Variants in HOXA9 observed in about 807,000 individuals in gnomAD.
The protein encoded by HOXA9 is homeobox protein Hox-A9.
HOXA9 carries 18 observed loss-of-function variants against 19.0 expected under a neutral mutation model. The ratio of observed to expected loss-of-function variants is 0.95; its 90% CI spans 0.65 to 1.40. The LOEUF (loss-of-function observed/expected upper bound fraction) is 1.40. Ranked by LOEUF, HOXA9 falls within the 40% of genes most tolerant of loss-of-function variation. The pLI is 0.00. For missense variants in HOXA9, 443 were observed against 372.2 expected (o/e 1.19, Z -1.57); for synonymous variants, 198 against 161.1 (o/e 1.23, Z -1.73).
Position 27,163,037 on chromosome 7 carries a change from T to G in HOXA9, c.*566A>C, listed in dbSNP as rs775598584. The G allele has an allele frequency of 1.9e-5, 4 of 207,264 alleles. No homozygotes were observed. Among genetic ancestry groups the G allele is most frequent in the Non-Finnish European group, 3.9e-5 (4 of 101,668 alleles). The allele number at this position is 207,264 out of a possible 1,614,324, so 12.8% of individuals were successfully genotyped here. A position where few individuals can be genotyped will look rare whatever the true frequency, so the allele number is the denominator to read the frequency against. On this transcript the variant is annotated 3_prime_UTR_variant, in exon 2 of 2. Transcript: ENST00000343483. ...ACTCTATGCAACTGTTTTTTTCCCC[T>G]CATAAACAACCTGAGTTCAAATTGA...
In HOXA9 at chr7:27,163,475, G is replaced by C. The variant is rs752234662; in HGVS notation, c.*128C>G. 18 of 795,878 alleles carry C rather than the reference G, an allele frequency of 2.3e-5. No individual in the cohort carries two copies. Among genetic ancestry groups the C allele is most frequent in the East Asian group, 1.5e-4 (6 of 40,972 alleles). 49.3% of individuals were successfully genotyped at this position (795,878 alleles called of 1,614,324 possible). A position where few individuals can be genotyped will look rare whatever the true frequency, so the allele number is the denominator to read the frequency against. ...TGGAAAAGATGTGGCCTGAGGTTTA[G>C]AGCCGCTTTGTGCGGGGATGGTGGA... On this transcript the variant is annotated 3_prime_UTR_variant, in exon 2 of 2. Transcript: ENST00000343483.
In HOXA9 at chr7:27,162,742, C is replaced by T. The variant is rs1429924602; in HGVS notation, c.*861G>A. ...TATAGCTCCGAATTTCCTCACTGTTCGTCTGGTGCAAAAACAATATTCAAG... is the reference window on the plus strand; with the variant it reads ...TATAGCTCCGAATTTCCTCACTGTTTGTCTGGTGCAAAAACAATATTCAAG... On this transcript the variant is annotated 3_prime_UTR_variant, in exon 2 of 2. Transcript: ENST00000343483. 3 of 208,052 alleles carry T rather than the reference C, an allele frequency of 1.4e-5. No homozygotes were observed. Among genetic ancestry groups the T allele is most frequent in the Non-Finnish European group, 2.9e-5 (3 of 102,004 alleles). The allele number at this position is 208,052 out of a possible 1,614,324, so 12.9% of individuals were successfully genotyped here. A position where few individuals can be genotyped will look rare whatever the true frequency, so the allele number is the denominator to read the frequency against.
At position 27,163,630 on chromosome 7, in the gene HOXA9, G is replaced by A. The variant is rs377402962; in HGVS notation, c.792C>T (p.Ile264=). The change falls in exon 2 of 2, where the codon ATC becomes ATT. Residue 264 remains isoleucine, a synonymous_variant. Transcript: ENST00000343483. ...ACTCGTCTTTTGCTCGGTCTTTGTT[G>A]ATTTTCTTCATTTTCATCCTGCGGT... The part of the protein sequence containing the change: ...FQNRRMKMKK[I]NKDRAKDE The A allele has an allele frequency of 5.6e-6, 9 of 1,612,892 alleles. No individual in the cohort carries two copies. The African/African-American group carries it at 8.0e-5, about 14-fold the overall frequency.
At position 27,165,051 on chromosome 7, in the gene HOXA9, G is replaced by A. The variant is rs781712176; in HGVS notation, c.407C>T (p.Pro136Leu). The change falls in exon 1 of 2, where the codon CCG becomes CTG. Residue 136 changes from proline to leucine, a missense_variant. Pro to Leu is a moderately conservative substitution (Grantham distance 98). Transcript: ENST00000343483. ...ACAGTCACCCCTTCTGGCCGACAGC[G>A]GTTCAGGTTTAATGCCATAAGGCCG... ...SSRPYGIKPE[P>L]LSARRGDCPT... The A allele has an allele frequency of 3.4e-5, 55 of 1,614,076 alleles. No individual in the cohort carries two copies. In the South Asian group the frequency reaches 5.5e-4, roughly 16 times the overall value.
At position 27,163,803 on chromosome 7, in the gene HOXA9, G is replaced by T; in HGVS notation, c.619C>A (p.Arg207=). 2 of 1,613,894 alleles carry T rather than the reference G, an allele frequency of 1.2e-6. No homozygotes were observed. Among genetic ancestry groups the T allele is most frequent in the Non-Finnish European group, 1.7e-6 (2 of 1,179,960 alleles). Residue 207 remains arginine (R), a synonymous_variant, in exon 2 of 2, where the codon CGG becomes AGG. Transcript: ENST00000343483. ...AANWLHARST[R]KKRCPYTKHQ... ...TTTGTATAGGGGCACCGCTTTTTCC[G>T]AGTGGAGCGCGCATGAAGCCAGTTG... is the stretch of plus-strand genomic sequence containing the variant.
At chr7:27,163,988 C>A in intron 1 of HOXA9, 147 bp from the exon 2 acceptor site, 5 of 685,478 alleles carry the variant, frequency 7.3e-6, no homozygotes, top group South Asian at 1.7e-5. Context: ...CACAATGGAA[C>A]CCTGGCAGAC....
In HOXA9 at chr7:27,165,200, A is replaced by T. The variant is rs542361021; in HGVS notation, c.258T>A (p.His86Gln). ...GGGGGTGCACGTAGGGGTGGTGGTG[A>T]TGGTGGTGGTACACCGCAGCGGGTA... is the stretch of plus-strand genomic sequence containing the variant. ...NAVPAAVYHHHHHHPYVHPQA... is the reference protein window; with the variant it reads ...NAVPAAVYHHQHHHPYVHPQA... Residue 86 changes from histidine to glutamine, a missense_variant, in exon 1 of 2, where the codon CAT becomes CAA. Transcript: ENST00000343483. The T allele has an allele frequency of 6.3e-7, 1 of 1,589,562 alleles. No individual in the cohort carries two copies. The highest frequency in any genetic ancestry group is 1.7e-5 in the Admixed American group (1 of 57,288).
rs752362815 is a variant in HOXA9, at chr7:27,165,116, G to A, written c.342C>T (p.Pro114=). 4.7e-5 allele frequency: 75 copies of A among 1,610,850 alleles called. No individual in the cohort carries two copies. The highest frequency in any genetic ancestry group is 6.2e-5 in the Non-Finnish European group (73 of 1,178,770). Residue 114 remains proline (P), a synonymous_variant, in exon 1 of 2, where the codon CCC becomes CCT. Transcript: ENST00000343483. ...DGRYMRSWLE[P]TPGALSFAGL... is the part of the protein sequence containing the mutation. ...CCGCGAAGGAGAGCGCACCGGGCGT[G>A]GGCTCCAGCCAGGAGCGCATGTACC...
chr7:27,165,470 C>G lies in HOXA9; in HGVS notation c.-13G>C, dbSNP rs774546939. Reference sequence around the variant, plus strand: ...CAGTGGTGGCCATCACCGTGCCCAGCGCCTGGCCCGCCCGGCCCGACCCAC... The same window carrying G: ...CAGTGGTGGCCATCACCGTGCCCAGGGCCTGGCCCGCCCGGCCCGACCCAC... On this transcript the variant is annotated 5_prime_UTR_variant, in exon 1 of 2. Transcript: ENST00000343483. The G allele has an allele frequency of 1.9e-6, 3 of 1,566,598 alleles. No homozygotes were observed. Among genetic ancestry groups the G allele is most frequent in the Non-Finnish European group, 2.6e-6 (3 of 1,162,004 alleles).
At position 27,165,131 on chromosome 7, in the gene HOXA9, G is replaced by A; in HGVS notation, c.327C>T (p.Arg109=). The change falls in exon 1 of 2, where the codon CGC becomes CGT. Residue 109 remains arginine, a synonymous_variant. Coordinates refer to ENST00000343483, the MANE Select transcript of HOXA9 (RefSeq NM_152739.4). The part of the protein sequence containing the change: ...AAAAPDGRYM[R]SWLEPTPGAL... Reference sequence around the variant, plus strand: ...CACCGGGCGTGGGCTCCAGCCAGGAGCGCATGTACCTGCCGTCCGGCGCCG... The same window carrying A: ...CACCGGGCGTGGGCTCCAGCCAGGAACGCATGTACCTGCCGTCCGGCGCCG... The A allele has an allele frequency of 6.2e-7, 1 of 1,606,000 alleles. No homozygotes were observed. Among genetic ancestry groups the A allele is most frequent in the East Asian group, 2.2e-5 (1 of 44,688 alleles).
chr7:27,164,848 G>T, intron 1 of HOXA9, 30 bp downstream of exon 1: 1 of 1,591,978 alleles, frequency 6.3e-7, no homozygotes, highest in South Asian at 1.1e-5. Context: ...CGTGGAGGCG[G>T]CGGCGGATTT....
Position 27,165,186 on chromosome 7 carries a change from T to A in HOXA9, c.272A>T (p.Tyr91Phe). Residue 91 changes from tyrosine (Y) to phenylalanine (F), a missense_variant, in exon 1 of 2, where the codon TAC becomes TTC. Transcript: ENST00000343483. ...AVYHHHHHHP[Y>F]VHPQAPVAAA... is the part of the protein sequence containing the mutation. ...CGCCACGGGCGCCTGGGGGTGCACG[T>A]AGGGGTGGTGGTGATGGTGGTGGTA... 2.5e-6 allele frequency: 4 copies of A among 1,594,410 alleles called. No homozygotes were observed. Among genetic ancestry groups the A allele is most frequent in the Non-Finnish European group, 3.4e-6 (4 of 1,170,816 alleles).
At position 27,164,999 on chromosome 7, in the gene HOXA9, G is replaced by A; in HGVS notation, c.459C>T (p.Ser153=). ...DCPTLDTHTL[S]LTDYACGSPP... is the part of the protein sequence containing the mutation. ...GAGAACCACAAGCATAGTCAGTCAG[G>A]GACAAAGTGTGAGTGTCAAGCGTGG... The change falls in exon 1 of 2, where the codon TCC becomes TCT. Residue 153 remains serine, a synonymous_variant. Coordinates refer to ENST00000343483, the MANE Select transcript of HOXA9 (RefSeq NM_152739.4). 1 of 1,614,218 alleles carries A rather than the reference G, an allele frequency of 6.2e-7. No homozygotes were observed. The highest frequency in any genetic ancestry group is 2.2e-5 in the East Asian group (1 of 44,880).
At chr7:27,164,776 T>A in intron 1 of HOXA9, 102 bp downstream of exon 1, 1 of 1,520,264 alleles carries the variant, frequency 6.6e-7, no homozygotes, top group South Asian at 1.3e-5. Context: ...TCGAGAGGCT[T>A]CCAGCGAGGA....
At position 27,165,416 on chromosome 7, in the gene HOXA9, C is replaced by T. The variant is rs367823279; in HGVS notation, c.42G>A (p.Ser14=). Reference sequence around the variant, plus strand: ...CCGCGGCGTCGGCGCCCAGCAGGAACGAGTCCACGTAGTAGTTGCCCAGGG... The same window carrying T: ...CCGCGGCGTCGGCGCCCAGCAGGAATGAGTCCACGTAGTAGTTGCCCAGGG... The part of the protein sequence containing the change: ...TGALGNYYVD[S]FLLGADAADE... The change falls in exon 1 of 2, where the codon TCG becomes TCA. Residue 14 remains serine (S), a synonymous_variant. Transcript: ENST00000343483. 1.2e-6 allele frequency: 2 copies of T among 1,609,652 alleles called. No individual in the cohort carries two copies. The highest frequency in any genetic ancestry group is 1.3e-5 in the African/African-American group (1 of 74,766).
chr7:27,162,958 A>C lies in HOXA9; in HGVS notation c.*645T>G. On this transcript the variant is annotated 3_prime_UTR_variant, in exon 2 of 2. Transcript: ENST00000343483. ...TGGGAAATTCTTACAGCTACTTTACAATCATAGGTTAACAGCCTAGTTATA... is the reference window on the plus strand; with the variant it reads ...TGGGAAATTCTTACAGCTACTTTACCATCATAGGTTAACAGCCTAGTTATA... 1 of 199,576 alleles carries C rather than the reference A, an allele frequency of 5.0e-6. No homozygotes were observed. Among genetic ancestry groups the C allele is most frequent in the Non-Finnish European group, 1.0e-5 (1 of 96,710 alleles). The allele number at this position is 199,576 out of a possible 1,614,324, so 12.4% of individuals were successfully genotyped here.
At chr7:27,164,187 G>A (rs1208924831) in intron 1 of HOXA9, among the ~76,000 whole-genome samples, 2 of 152,200 alleles carry the variant, frequency 1.3e-5, no homozygotes, top group Non-Finnish European at 2.9e-5. Context: ...GCTGCCTTGT[G>A]TTCTGTAGCA....
chr7:27,164,840 T>C (rs757152358), intron 1 of HOXA9, 38 bp downstream of exon 1: 2 of 1,587,050 alleles, frequency 1.3e-6, no homozygotes, highest in African/African-American at 1.3e-5. Context: ...GAGGCCGGCG[T>C]GGAGGCGGCG....
rs1783224214 is a variant in HOXA9, at chr7:27,162,697, A to G, written c.*906T>C. 1 of 209,618 alleles carries G rather than the reference A, an allele frequency of 4.8e-6. No homozygotes were observed. Among genetic ancestry groups the G allele is most frequent in the Non-Finnish European group, 9.7e-6 (1 of 102,950 alleles). 13.0% of individuals were successfully genotyped at this position (209,618 alleles called of 1,614,324 possible). The stretch of plus-strand genomic sequence containing the variant: ...TTAAAATTAAGCATAAACCCTAGGT[A>G]GTAACCTTCTGCACATATGTATAGC... On this transcript the variant is annotated 3_prime_UTR_variant, in exon 2 of 2. Coordinates refer to ENST00000343483, the MANE Select transcript of HOXA9 (RefSeq NM_152739.4).
Sources: gnomAD v4.1 joint callset for allele counts (sites outside exome capture counted in the v4.1 genomes callset) on GRCh38, gnomAD v4.1.1 for gene constraint, MANE v1.5 for transcripts, NCBI Gene and HGNC (gene_info 2026-07-23, HGNC 2026-07-21) for gene names.